Variants in MINDY4 observed in about 807,000 individuals in gnomAD.
The protein encoded by MINDY4 is MINDY lysine 48 deubiquitinase 4.
A neutral mutation model predicts 87.0 loss-of-function variants in MINDY4; 68 were observed. The observed-to-expected ratio is 0.78, with a 90% confidence interval of 0.64 to 0.96. The LOEUF is 0.96. Ranked by LOEUF, MINDY4 falls within the 40% of genes least tolerant of loss-of-function variation. The pLI is 0.00. For synonymous variants in MINDY4, 379 were observed against 363.2 expected (o/e 1.04, Z -0.50); for missense variants, 919 against 928.2 (o/e 0.99, Z 0.13).
chr7:30,830,428 G>A (rs1272158989), intron 6 of MINDY4, among the ~76,000 whole-genome samples: 1 of 152,194 alleles, frequency 6.6e-6, no homozygotes, highest in Non-Finnish European at 1.5e-5. Flanking sequence ...CAGAAACTGA[G>A]TAATTTTTAA....
intron 5 of MINDY4, among the ~76,000 whole-genome samples, chr7:30,815,520 G>C (rs559201621): frequency 6.6e-6 from 1 of 152,194 alleles, no homozygotes; most frequent in South Asian, 2.1e-4. Context: ...CAGTAGCCAC[G>C]GGCTAGTGTG....
rs1790236582 is a variant in MINDY4, at chr7:30,875,664, G to C, written c.1971+8G>C. 6 of 1,598,790 alleles carry C rather than the reference G, an allele frequency of 3.8e-6. No individual in the cohort carries two copies. The highest frequency in any genetic ancestry group is 5.1e-6 in the Non-Finnish European group (6 of 1,170,908). ...CATTACAACATGTGCCAGGTACCCA[G>C]ATGCTCACGTTCACCACAAGTAGGG... On this transcript the variant is annotated splice_region_variant and intron_variant, in intron 15 of 17. Transcript: ENST00000265299.
At chr7:30,800,089 C>T (rs1787602673) in intron 5 of MINDY4, among the ~76,000 whole-genome samples, 1 of 152,164 alleles carries the variant, frequency 6.6e-6, no homozygotes, top group Non-Finnish European at 1.5e-5. Flanking sequence ...GCTGTGAGCC[C>T]TTAGCAGCTG....
chr7:30,785,843 A>G lies in MINDY4; in HGVS notation c.514A>G (p.Thr172Ala). Reference protein sequence around the residue: ...SKPMQTVPGETPVLTSAWEKI... With the variant: ...SKPMQTVPGEAPVLTSAWEKI... ...GCCCATGCAGACGGTCCCGGGTGAA[A>G]CTCCTGTGTTGACTTCTGCATGGGA... Residue 172 changes from threonine to alanine, a missense_variant, in exon 4 of 18, where the codon ACT becomes GCT. By Grantham distance (58) the Thr-to-Ala change is moderately conservative. Transcript: ENST00000265299. 2.5e-6 allele frequency: 4 copies of G among 1,614,050 alleles called. No individual in the cohort carries two copies. The highest frequency in any genetic ancestry group is 1.6e-4 in the Middle Eastern group (1 of 6,062).
rs1786740880 is a variant in MINDY4 at position 30,774,368 on chromosome 7, GC to G, written c.63+2815del. ...TAGGCCCACCCCTCCATGTGTGCAT[GC>G]CCTCTCTTGTGTGCTCAGGGATGTC... On this transcript the variant is annotated intron_variant, in intron 1 of 17. Coordinates refer to ENST00000265299, the MANE Select transcript of MINDY4 (RefSeq NM_032222.3). Among the ~76,000 whole-genome samples the G allele has an allele frequency of 3.3e-5, 5 of 152,278 alleles. No homozygotes were observed. In the South Asian group the frequency reaches 1.0e-3, roughly 32 times the overall value.
Position 30,860,359 on chromosome 7 carries a change from G to A in MINDY4, c.1745+1035G>A, listed in dbSNP as rs139281905. Among the ~76,000 whole-genome samples the A allele has an allele frequency of 2.1e-3, 315 of 152,242 alleles. 3 individuals carry two copies. The highest frequency in any genetic ancestry group is 7.2e-3 in the African/African-American group (301 of 41,528). ...TCGTGCGCCAGGCTGCCTGCTGCTT[G>A]CTGCTTCTGACCTTATTAAATGCGT... On this transcript the variant is annotated intron_variant, in intron 13 of 17. Coordinates refer to ENST00000265299, the MANE Select transcript of MINDY4 (RefSeq NM_032222.3).
At chr7:30,794,389 G>T (rs1320066420) in intron 5 of MINDY4, among the ~76,000 whole-genome samples, 1 of 152,148 alleles carries the variant, frequency 6.6e-6, no homozygotes, top group Non-Finnish European at 1.5e-5. Context: ...TATGCACAGA[G>T]CCAGCTCCAC....
At chr7:30,867,108 G>A (rs938666149) in intron 13 of MINDY4, among the ~76,000 whole-genome samples, 5 of 152,202 alleles carry the variant, frequency 3.3e-5, no homozygotes, top group African/African-American at 1.2e-4. Context: ...TGGAGGCTCA[G>A]AAATGGAAAG....
At chr7:30,794,263 G>A (rs1787412160) in intron 5 of MINDY4, among the ~76,000 whole-genome samples, 1 of 152,112 alleles carries the variant, frequency 6.6e-6, no homozygotes, top group Non-Finnish European at 1.5e-5. Flanking sequence ...GTAAACATGG[G>A]TCTCAGTCCT....
intron 2 of MINDY4, 99 bp from the exon 3 acceptor site, chr7:30,781,878 A>G (rs976685270): frequency 7.8e-6 from 6 of 768,194 alleles, no homozygotes; most frequent in Middle Eastern, 2.4e-4. Context: ...ATGAGTGAGA[A>G]GTTGATAAAC....
intron 5 of MINDY4, among the ~76,000 whole-genome samples, chr7:30,806,486 A>T (rs998423307): frequency 8.1e-5 from 5 of 62,082 alleles, no homozygotes; most frequent in Admixed American, 1.5e-4. Flanking sequence ...ACACCCATTT[A>T]AAAAAAAAAA....
At chr7:30,872,654 C>T (rs1790141063) in intron 14 of MINDY4, among the ~76,000 whole-genome samples, 2 of 152,194 alleles carry the variant, frequency 1.3e-5, no homozygotes, top group Non-Finnish European at 1.5e-5. Flanking sequence ...GCCAGGGGAC[C>T]CTGGGTCCAG....
At chr7:30,841,016 G>A (rs563207622) in intron 9 of MINDY4, among the ~76,000 whole-genome samples, 168 bp downstream of exon 9, 7 of 152,290 alleles carry the variant, frequency 4.6e-5, no homozygotes, top group African/African-American at 1.4e-4. Context: ...GCAGACCAGT[G>A]TTAAGGGGAC....
chr7:30,824,936 C>T (rs1413476941), intron 5 of MINDY4, among the ~76,000 whole-genome samples: 1 of 151,964 alleles, frequency 6.6e-6, no homozygotes, highest in Non-Finnish European at 1.5e-5. Context: ...AGTCCTGGTC[C>T]CATGGAGCCC....
At chr7:30,841,006 G>A (rs569975039) in intron 9 of MINDY4, among the ~76,000 whole-genome samples, 158 bp downstream of exon 9, 6 of 152,162 alleles carry the variant, frequency 3.9e-5, no homozygotes, top group East Asian at 1.9e-4. Flanking sequence ...CAAGGCCTGC[G>A]CAGACCAGTG....
intron 5 of MINDY4, among the ~76,000 whole-genome samples, chr7:30,798,014 C>T (rs1335189698): frequency 6.6e-6 from 1 of 152,158 alleles, no homozygotes; most frequent in African/African-American, 2.4e-5. Context: ...GTTTGGGGTG[C>T]ACCTGTCTCT....
rs117622734 is a variant in MINDY4, at chr7:30,842,534, A to C, written c.1445+1686A>C. ...CCCACCTTCCTTCCTTGCACTGAAA[A>C]AAATGTGCAGAGTGTGCTTAGCAGG... On this transcript the variant is annotated intron_variant, in intron 9 of 17. Transcript: ENST00000265299. 2.2e-3 allele frequency among the ~76,000 whole-genome samples: 338 copies of C among 152,312 alleles called. 1 individual carries two copies. Among genetic ancestry groups the C allele is most frequent in the Non-Finnish European group, 3.7e-3 (252 of 68,018 alleles).
At position 30,791,457 on chromosome 7, in the gene MINDY4, G is replaced by A; in HGVS notation, c.956G>A (p.Ser319Asn). 6.2e-7 allele frequency: 1 copy of A among 1,614,112 alleles called. No individual in the cohort carries two copies. The highest frequency in any genetic ancestry group is 8.5e-7 in the Non-Finnish European group (1 of 1,180,018). The change falls in exon 5 of 18, where the codon AGC (serine) becomes AAC (asparagine). Residue 319 changes from serine (S) to asparagine (N), a missense_variant. Coordinates refer to ENST00000265299, the MANE Select transcript of MINDY4 (RefSeq NM_032222.3). ...PSEDTPAVDGSTDTDRMPLKL... is the reference protein window; with the variant it reads ...PSEDTPAVDGNTDTDRMPLKL... ...GAGGACACCCCAGCAGTGGACGGCA[G>A]CACAGACACGGACAGGATGCCCTTG...
intron 5 of MINDY4, among the ~76,000 whole-genome samples, chr7:30,811,424 A>G (rs1338705800): frequency 6.6e-6 from 1 of 152,198 alleles, no homozygotes; most frequent in South Asian, 2.1e-4. Flanking sequence ...AGTGTACTAT[A>G]TCAGTCACTA....
Sources: gnomAD v4.1 joint callset for allele counts (sites outside exome capture counted in the v4.1 genomes callset) on GRCh38, gnomAD v4.1.1 for gene constraint, MANE v1.5 for transcripts, NCBI Gene and HGNC (gene_info 2026-07-23, HGNC 2026-07-21) for gene names.